LRRC7: variants seen among roughly 807,000 people sequenced by gnomAD.
LRRC7 encodes leucine rich repeat containing 7, also known as leucine-rich repeat-containing protein 7.
In LRRC7, 23 loss-of-function variants were observed where a neutral mutation model predicts 175.7. The ratio of observed to expected loss-of-function variants is 0.13; its 90% CI spans 0.09 to 0.19. LRRC7 has a LOEUF of 0.19. LRRC7 is among the 10% of genes least tolerant of loss of function. The probability of loss-of-function intolerance (pLI) is 1.00; values close to 1 mark genes in which losing one functional copy is unlikely to be tolerated. For synonymous variants in LRRC7, 685 were observed against 680.9 expected (o/e 1.01, Z -0.09); for missense variants, 1,354 against 1,904.7 (o/e 0.71, Z 5.38).
chr1:69,922,884 A>G (rs981426418), intron 7 of LRRC7, among the ~76,000 whole-genome samples: 2 of 151,968 alleles, frequency 1.3e-5, no homozygotes, highest in Non-Finnish European at 2.9e-5. Context: ...GTATGTATAC[A>G]TACGCCATGC....
At chr1:70,055,689 G>C (rs1225116732) in intron 23 of LRRC7, among the ~76,000 whole-genome samples, 4 of 152,098 alleles carry the variant, frequency 2.6e-5, no homozygotes, top group Non-Finnish European at 4.4e-5. Context: ...AAGTGAGAAG[G>C]GGGAAGTGCT....
chr1:69,669,745 AT>A (rs920597493), intron 1 of LRRC7, among the ~76,000 whole-genome samples: 34 of 151,096 alleles, frequency 2.3e-4, no homozygotes, highest in African/African-American at 5.1e-4. Flanking sequence ...GTCATGCTGT[AT>A]TTTTTTTTAT....
In LRRC7 at chr1:69,693,826, A is replaced by G. The variant is rs146664770; in HGVS notation, c.100+15348A>G. On this transcript the variant is annotated intron_variant, in intron 2 of 26. Coordinates refer to ENST00000651989, the MANE Select transcript of LRRC7 (RefSeq NM_001370785.2). ...TGCTAAGGGTTTAAATTGCTCCCAT[A>G]GTCAATCTCTTTCTTTCTTTAACAA... 2.8e-3 allele frequency among the ~76,000 whole-genome samples: 425 copies of G among 152,324 alleles called. 3 individuals carry two copies. The Middle Eastern group carries it at 0.058, about 21-fold the overall frequency.
In LRRC7 at chr1:70,119,028, G is replaced by T. The variant is rs560612438; in HGVS notation, c.4621-2752G>T. Among the ~76,000 whole-genome samples the T allele has an allele frequency of 8.0e-5, 12 of 149,514 alleles. No individual in the cohort carries two copies. The South Asian group carries it at 1.1e-3, about 13-fold the overall frequency. ...ATGCTAAAGCCTATGGTCTAAAGTC[G>T]CATGTTTTGGATTTGGTGCTTTTTT... On this transcript the variant is annotated intron_variant, in intron 26 of 26. Coordinates refer to ENST00000651989, the MANE Select transcript of LRRC7 (RefSeq NM_001370785.2).
At chr1:69,580,708 G>A (rs1646163751) in intron 1 of LRRC7, among the ~76,000 whole-genome samples, 1 of 152,098 alleles carries the variant, frequency 6.6e-6, no homozygotes, top group Non-Finnish European at 1.5e-5. Flanking sequence ...TATTTACTGT[G>A]TGCCAGGCCT....
intron 8 of LRRC7, among the ~76,000 whole-genome samples, chr1:69,948,674 G>T (rs1035953193): frequency 4.6e-5 from 7 of 152,120 alleles, no homozygotes; most frequent in Non-Finnish European, 7.4e-5. Flanking sequence ...TGTTGTGATT[G>T]ATGTGCCAGC....
chr1:69,798,175 C>T lies in LRRC7; in HGVS notation c.421+6015C>T, dbSNP rs1446872794. On this transcript the variant is annotated intron_variant, in intron 4 of 26. Transcript: ENST00000651989. ...GACCTTGTAATCTGCCCTCCTCGGC[C>T]TCCCAAAGTGCTGGGATTACAGGCA... is the stretch of plus-strand genomic sequence containing the variant. 2.6e-5 allele frequency among the ~76,000 whole-genome samples: 4 copies of T among 152,130 alleles called. No individual in the cohort carries two copies. The South Asian group carries it at 8.3e-4, about 32-fold the overall frequency.
chr1:69,638,030 T>A (rs1355448665), intron 1 of LRRC7, among the ~76,000 whole-genome samples: 4 of 151,798 alleles, frequency 2.6e-5, no homozygotes, highest in Non-Finnish European at 5.9e-5. Flanking sequence ...TGATGAGCAA[T>A]ATGTTAGTGT....
At chr1:69,607,592 T>C (rs574749763) in intron 1 of LRRC7, 106 of 152,244 alleles carry the variant, frequency 7.0e-4, no homozygotes, top group African/African-American at 2.5e-3. Flanking sequence ...TTTATAAGTC[T>C]TCCTAGGTGA....
In LRRC7 at chr1:70,020,989, T is replaced by C; in HGVS notation, c.1421-16T>C. 1 of 1,590,870 alleles carries C rather than the reference T, an allele frequency of 6.3e-7. No individual in the cohort carries two copies. The highest frequency in any genetic ancestry group is 8.5e-7 in the Non-Finnish European group (1 of 1,171,466). On this transcript the variant is annotated splice_polypyrimidine_tract_variant and intron_variant, in intron 15 of 26. Transcript: ENST00000651989. ...GTTTTTTAAAAAAACAATAATACTT[T>C]GGAATCTAACTGTAGATTTCCAGTC...
chr1:69,823,434 A>T lies in LRRC7; in HGVS notation c.422-2314A>T, dbSNP rs574154812. On this transcript the variant is annotated intron_variant, in intron 4 of 26. Transcript: ENST00000651989. ...TGAGTTAGAACATCAATTTAAGAAAAATGTCATGAAGTCTTTTTCATCCCA... is the reference window on the plus strand; with the variant it reads ...TGAGTTAGAACATCAATTTAAGAAATATGTCATGAAGTCTTTTTCATCCCA... 2.0e-5 allele frequency among the ~76,000 whole-genome samples: 3 copies of T among 152,246 alleles called. No homozygotes were observed. In the East Asian group the frequency reaches 5.8e-4, roughly 29 times the overall value.
chr1:69,571,070 A>G (rs1486839246), intron 1 of LRRC7, among the ~76,000 whole-genome samples: 1 of 152,240 alleles, frequency 6.6e-6, no homozygotes, highest in Admixed American at 6.5e-5. Context: ...GCATCATACT[A>G]ATATGTAATG....
chr1:70,112,119 T>C (rs1244485857), intron 26 of LRRC7, among the ~76,000 whole-genome samples: 1 of 152,226 alleles, frequency 6.6e-6, no homozygotes, highest in Non-Finnish European at 1.5e-5. Flanking sequence ...TCTTTTTTTC[T>C]TGTCTTAGAA....
intron 8 of LRRC7, 121 bp downstream of exon 8, chr1:69,931,691 A>G (rs1449939381): frequency 2.6e-6 from 2 of 775,392 alleles, no homozygotes; most frequent in Non-Finnish European, 4.2e-6. Context: ...ATGTAAAAGT[A>G]AAAACCTGGA....
Position 70,039,181 on chromosome 1 carries a change from G to A in LRRC7, c.3357G>A (p.Pro1119=), listed in dbSNP as rs774965588. ...CTAGAGCTTACAGAGGATACCCACC[G>A]ATGGAGCAAATGTTTTCATTTTCTC... ...ISPRAYRGYP[P]MEQMFSFSQP... Residue 1119 remains proline (P), a synonymous_variant, in exon 21 of 27, where the codon CCG becomes CCA. Coordinates refer to ENST00000651989, the MANE Select transcript of LRRC7 (RefSeq NM_001370785.2). 4.0e-5 allele frequency: 65 copies of A among 1,614,102 alleles called. No homozygotes were observed. Among genetic ancestry groups the A allele is most frequent in the South Asian group, 1.4e-4 (13 of 91,080 alleles).
chr1:70,132,436 T>C lies in LRRC7; in HGVS notation c.*10549T>C, dbSNP rs1666702420. ...TTTAAAAATTACCAGAGTACTTTTC[T>C]TTTTTCTTTTCTTTTCTTTTCTTTT... On this transcript the variant is annotated 3_prime_UTR_variant, in exon 27 of 27. Transcript: ENST00000651989. 7.3e-6 allele frequency: 1 copy of C among 136,758 alleles called. No individual in the cohort carries two copies. Among genetic ancestry groups the C allele is most frequent in the Admixed American group, 7.6e-5 (1 of 13,078 alleles). 8.5% of individuals were successfully genotyped at this position (136,758 alleles called of 1,614,324 possible).
intron 8 of LRRC7, among the ~76,000 whole-genome samples, chr1:69,940,507 A>G (rs889786802): frequency 6.6e-6 from 1 of 152,118 alleles, no homozygotes; most frequent in East Asian, 1.9e-4. Context: ...GGTTTCTACC[A>G]GAGAAATTGA....
chr1:69,910,503 C>A (rs1418821587), intron 7 of LRRC7, among the ~76,000 whole-genome samples: 2 of 152,148 alleles, frequency 1.3e-5, no homozygotes, highest in Non-Finnish European at 2.9e-5. Context: ...ACAGCGGTGG[C>A]TGTAGAACAG....
Position 70,038,999 on chromosome 1 carries a change from G to C in LRRC7, c.3175G>C (p.Ala1059Pro), listed in dbSNP as rs1659609687. ...GSSKGPQQQK[A>P]SMTKKVYQFD... ...TAGTAAGGGGCCACAACAACAAAAA[G>C]CTTCTATGACAAAAAAAGTCTATCA... Residue 1059 changes from alanine (A) to proline (P), a missense_variant, in exon 21 of 27, where the codon GCT becomes CCT. Ala to Pro is a conservative substitution (Grantham distance 27). Coordinates refer to ENST00000651989, the MANE Select transcript of LRRC7 (RefSeq NM_001370785.2). 1 of 1,613,894 alleles carries C rather than the reference G, an allele frequency of 6.2e-7. No homozygotes were observed. The highest frequency in any genetic ancestry group is 8.5e-7 in the Non-Finnish European group (1 of 1,179,962).
Sources: gnomAD v4.1 joint callset for allele counts (sites outside exome capture counted in the v4.1 genomes callset) on GRCh38, gnomAD v4.1.1 for gene constraint, MANE v1.5 for transcripts, NCBI Gene and HGNC (gene_info 2026-07-23, HGNC 2026-07-21) for gene names.